The following PDS5B variants were observed in gnomAD, a reference collection of about 807,000 sequenced individuals.
PDS5B encodes sister chromatid cohesion protein PDS5 homolog B.
PDS5B carries 51 observed loss-of-function variants against 184.1 expected under a neutral mutation model. That is an observed-to-expected ratio of 0.28 (90% CI 0.22 to 0.35). The LOEUF (loss-of-function observed/expected upper bound fraction) is 0.35. Ranked by LOEUF, PDS5B falls within the 10% of genes least tolerant of loss-of-function variation. The pLI, the probability that PDS5B is intolerant of heterozygous loss-of-function variation, is 1.00. For synonymous variants in PDS5B, 566 were observed against 569.2 expected (o/e 0.99, Z 0.08); for missense variants, 1,180 against 1,723.3 (o/e 0.68, Z 5.58).
At chr13:32,681,524 T>C (rs1446337581) in intron 10 of PDS5B, among the ~76,000 whole-genome samples, 1 of 151,788 alleles carries the variant, frequency 6.6e-6, no homozygotes, top group Non-Finnish European at 1.5e-5. Context: ...CCCGGGAGGC[T>C]GAGACAGGAG....
intron 1 of PDS5B, among the ~76,000 whole-genome samples, chr13:32,590,010 C>G (rs889607246): frequency 6.6e-6 from 1 of 151,974 alleles, no homozygotes; most frequent in South Asian, 2.1e-4. Context: ...CATGAGTGAT[C>G]GTGCACAGTG....
chr13:32,628,638 A>C (rs1027925077), intron 1 of PDS5B, among the ~76,000 whole-genome samples: 1 of 151,624 alleles, frequency 6.6e-6, no homozygotes, highest in East Asian at 1.9e-4. Context: ...CCCAATAGGT[A>C]CTTTTTTGGT....
Position 32,770,206 on chromosome 13 carries a change from T to C in PDS5B, c.3710T>C (p.Leu1237Ser). The C allele has an allele frequency of 6.2e-7, 1 of 1,613,888 alleles. No individual in the cohort carries two copies. The highest frequency in any genetic ancestry group is 8.5e-7 in the Non-Finnish European group (1 of 1,179,976). The change falls in exon 32 of 35, where the codon TTG (leucine) becomes TCG (serine). Residue 1237 changes from leucine (L) to serine (S), a missense_variant. Coordinates refer to ENST00000315596, the MANE Select transcript of PDS5B (RefSeq NM_015032.4). ...EKLGMDDLTK[L>S]VQEQKPKGSQ... ...TTAGGTATGGATGACTTGACTAAGT[T>C]GGTACAGGAACAGAAACCTAAAGGC...
chr13:32,760,468 A>T, intron 29 of PDS5B, 107 bp from the exon 30 acceptor site: 1 of 1,043,030 alleles, frequency 9.6e-7, no homozygotes. Flanking sequence ...CACATTTTTC[A>T]TGATTTGTAA....
chr13:32,618,502 G>C (rs2058250600), intron 1 of PDS5B, among the ~76,000 whole-genome samples: 1 of 145,662 alleles, frequency 6.9e-6, no homozygotes, highest in African/African-American at 2.5e-5. Context: ...AATACTACTG[G>C]CCCATTACTG....
chr13:32,635,824 A>G (rs1389209712), intron 1 of PDS5B, among the ~76,000 whole-genome samples: 1 of 141,876 alleles, frequency 7.0e-6, no homozygotes, highest in East Asian at 2.1e-4. Context: ...CTGGAAGTGC[A>G]GTGGTGCTAT....
intron 19 of PDS5B, among the ~76,000 whole-genome samples, chr13:32,719,852 G>C: frequency 6.9e-6 from 1 of 145,298 alleles, no homozygotes; most frequent in East Asian, 2.1e-4. Flanking sequence ...GTAGTGGCTT[G>C]ATCTCTTGGC....
At chr13:32,760,761 C>T (rs375524589) in intron 30 of PDS5B, 41 bp downstream of exon 30, 40 of 1,571,568 alleles carry the variant, frequency 2.5e-5, no homozygotes, top group African/African-American at 2.7e-5. Flanking sequence ...TTTAAGGATT[C>T]CAGCAAGGCT....
chr13:32,769,970 CAAAT>C, intron 31 of PDS5B, 147 bp from the exon 32 acceptor site: 2 of 547,148 alleles, frequency 3.7e-6, no homozygotes, highest in Non-Finnish European at 6.0e-6. Context: ...ATAATAAAAG[CAAAT>C]AAATACAGTT....
At chr13:32,768,446 C>G (rs1213723572) in intron 31 of PDS5B, among the ~76,000 whole-genome samples, 1 of 152,090 alleles carries the variant, frequency 6.6e-6, no homozygotes, top group East Asian at 1.9e-4. Context: ...AGAGCTTGAA[C>G]ATACAATTTT....
In PDS5B at chr13:32,775,684, T is replaced by G. The variant is rs1290173508; in HGVS notation, c.*632T>G. The G allele has an allele frequency of 4.4e-6, 2 of 456,196 alleles. No individual in the cohort carries two copies. The highest frequency in any genetic ancestry group is 8.8e-6 in the Non-Finnish European group (2 of 226,708). The allele number at this position is 456,196 out of a possible 1,614,324, so 28.3% of individuals were successfully genotyped here. ...GATAGGAGGACAACCATGCAAATTG[T>G]GAAATAGTCCTGAAGTTCTTGGATT... On this transcript the variant is annotated 3_prime_UTR_variant, in exon 35 of 35. Transcript: ENST00000315596.
chr13:32,697,109 T>C (rs773705064), intron 15 of PDS5B, among the ~76,000 whole-genome samples: 5 of 152,192 alleles, frequency 3.3e-5, no homozygotes, highest in African/African-American at 9.7e-5. Flanking sequence ...TGTAAACTTA[T>C]AAAAACTGAA....
intron 24 of PDS5B, among the ~76,000 whole-genome samples, chr13:32,751,078 G>T (rs1273771906): frequency 6.6e-6 from 1 of 152,064 alleles, no homozygotes; most frequent in African/African-American, 2.4e-5. Context: ...TCTCTTCTTT[G>T]TGTTCATGTG....
At chr13:32,699,200 A>T (rs997305393) in intron 15 of PDS5B, among the ~76,000 whole-genome samples, 33 of 152,256 alleles carry the variant, frequency 2.2e-4, no homozygotes, top group African/African-American at 7.7e-4. Context: ...TTCTGCAAAG[A>T]CTCATTCTTT....
chr13:32,598,083 A>G (rs371982289), intron 1 of PDS5B, among the ~76,000 whole-genome samples: 2 of 151,892 alleles, frequency 1.3e-5, no homozygotes, highest in East Asian at 3.9e-4. Flanking sequence ...AAATTAATTA[A>G]TTTACTTTTT....
chr13:32,724,608 G>A (rs920749444), intron 19 of PDS5B, among the ~76,000 whole-genome samples: 2 of 151,954 alleles, frequency 1.3e-5, no homozygotes, highest in African/African-American at 4.8e-5. Context: ...TTTTAACAGG[G>A]TCTTGCTCTG....
intron 1 of PDS5B, among the ~76,000 whole-genome samples, chr13:32,603,846 A>G (rs960800444): frequency 2.0e-5 from 3 of 152,174 alleles, no homozygotes; most frequent in African/African-American, 4.8e-5. Context: ...CTTTGAAGCA[A>G]TTGTGAATGG....
intron 1 of PDS5B, among the ~76,000 whole-genome samples, chr13:32,592,614 C>G (rs1258593601): frequency 2.6e-5 from 4 of 152,126 alleles, no homozygotes; most frequent in Non-Finnish European, 5.9e-5. Context: ...CTATTCCTTT[C>G]AGCTTTCGAC....
intron 14 of PDS5B, among the ~76,000 whole-genome samples, 167 bp downstream of exon 14, chr13:32,694,471 A>C (rs1227292187): frequency 6.6e-6 from 1 of 151,974 alleles, no homozygotes; most frequent in Non-Finnish European, 1.5e-5. Flanking sequence ...AACTTATTAG[A>C]TAGAAAGTGA....
Sources: allele counts gnomAD v4.1 joint callset (sites outside exome capture counted in the v4.1 genomes callset), GRCh38; gene constraint gnomAD v4.1.1; transcripts MANE v1.5; gene names NCBI Gene and HGNC (gene_info 2026-07-23, HGNC 2026-07-21).